PDE1A: variants seen among roughly 807,000 people sequenced by gnomAD.
PDE1A encodes phosphodiesterase 1A.
In PDE1A, 35 loss-of-function variants were observed where a neutral mutation model predicts 61.7. The observed-to-expected ratio is 0.57, with a 90% confidence interval of 0.43 to 0.75. PDE1A has a LOEUF of 0.75. Ranked by LOEUF, PDE1A falls within the 30% of genes least tolerant of loss-of-function variation. The probability of loss-of-function intolerance (pLI) is 0.00; values close to 1 mark genes in which losing one functional copy is unlikely to be tolerated. For missense variants in PDE1A, 597 were observed against 630.6 expected, an observed-to-expected ratio of 0.95 and a Z score of 0.57; for synonymous variants, 232 against 213.2, an observed-to-expected ratio of 1.09 and a Z score of -0.77.
intron 2 of PDE1A, among the ~76,000 whole-genome samples, chr2:182,433,079 G>T (rs1210352714): frequency 3.3e-5 from 5 of 151,894 alleles, no homozygotes; most frequent in Non-Finnish European, 7.4e-5. Context: ...CTCCTACTGT[G>T]GTCATGGCAG....
At chr2:182,511,611 C>A (rs12996626) in intron 2 of PDE1A, among the ~76,000 whole-genome samples, 51,178 of 152,022 alleles carry the variant, frequency 0.34, 9,172 homozygotes, top group Middle Eastern at 0.41. Flanking sequence ...GCCAGGGATG[C>A]CCATCTCCCA....
chr2:182,243,438 A>G (rs1171091664), intron 2 of PDE1A, among the ~76,000 whole-genome samples: 1 of 152,172 alleles, frequency 6.6e-6, no homozygotes, highest in Non-Finnish European at 1.5e-5. Context: ...GGGCAAGTAC[A>G]AAGGCCCGAG....
chr2:182,178,898 G>T (rs527603026), intron 13 of PDE1A, among the ~76,000 whole-genome samples: 33 of 152,192 alleles, frequency 2.2e-4, no homozygotes, highest in African/African-American at 7.7e-4. Flanking sequence ...AAAAACCAAT[G>T]GGGGCTGTCT....
chr2:182,306,543 C>T (rs1230221024), intron 1 of PDE1A, among the ~76,000 whole-genome samples: 2 of 151,794 alleles, frequency 1.3e-5, no homozygotes, highest in Non-Finnish European at 2.9e-5. Context: ...TCTGAAGACA[C>T]CATACTACCT....
At chr2:182,357,346 CT>C (rs1227171430) in intron 1 of PDE1A, among the ~76,000 whole-genome samples, 1 of 151,890 alleles carries the variant, frequency 6.6e-6, no homozygotes, top group Non-Finnish European at 1.5e-5. Context: ...GAGAATAGGA[CT>C]GGTAGTCTGA....
chr2:182,677,127 C>T, the PDE1A span, among the ~76,000 whole-genome samples: 2 of 152,176 alleles, frequency 1.3e-5, no homozygotes, highest in African/African-American at 4.8e-5. Context: ...CAAACTATCC[C>T]TGATTGCAGA....
chr2:182,567,435 A>G, the PDE1A span, among the ~76,000 whole-genome samples: 2 of 152,238 alleles, frequency 1.3e-5, no homozygotes, highest in African/African-American at 2.4e-5. Flanking sequence ...GCTTTAAAAC[A>G]AAGAGTCAAA....
At chr2:182,622,119 T>C in the PDE1A span, among the ~76,000 whole-genome samples, 1 of 152,188 alleles carries the variant, frequency 6.6e-6, no homozygotes, top group African/African-American at 2.4e-5. Flanking sequence ...ATAAAAAGAA[T>C]GACTGGAAAG....
rs1559179385 is a variant in PDE1A at position 182,203,896 on chromosome 2, T to G, written c.902+2044A>C. Among the ~76,000 whole-genome samples, 10 of 152,096 alleles carry G rather than the reference T, an allele frequency of 6.6e-5. No individual in the cohort carries two copies. The South Asian group carries it at 2.1e-3, about 32-fold the overall frequency. On this transcript the variant is annotated intron_variant, in intron 8 of 13. Transcript: ENST00000351439. ...GTATTTTATAGATTTTTGGAAAGTG[T>G]TGAATCTATTAAATTCTAAAATGTA...
At chr2:182,297,332 C>T (rs1574283287) in intron 1 of PDE1A, among the ~76,000 whole-genome samples, 1 of 152,194 alleles carries the variant, frequency 6.6e-6, no homozygotes, top group East Asian at 1.9e-4. Flanking sequence ...CCTCCTCCCA[C>T]CCATTTGCTT....
At chr2:182,313,761 ACAT>A (rs1696147570) in intron 1 of PDE1A, among the ~76,000 whole-genome samples, 1 of 77,820 alleles carries the variant, frequency 1.3e-5, no homozygotes, top group South Asian at 3.3e-4. Context: ...ATAGGATGAA[ACAT>A]TAGTAGGTTT....
chr2:182,591,638 G>A, the PDE1A span, among the ~76,000 whole-genome samples: 1 of 152,128 alleles, frequency 6.6e-6, no homozygotes, highest in East Asian at 1.9e-4. Flanking sequence ...CAACGCCCTG[G>A]GTATCTACCC....
intron 13 of PDE1A, among the ~76,000 whole-genome samples, chr2:182,151,709 G>A (rs1225665786): frequency 1.3e-5 from 2 of 152,008 alleles, no homozygotes; most frequent in Non-Finnish European, 2.9e-5. Context: ...TCCTACCACA[G>A]AAATAAATTT....
the PDE1A span, among the ~76,000 whole-genome samples, chr2:182,668,110 G>A: frequency 6.6e-6 from 1 of 152,290 alleles, no homozygotes; most frequent in Middle Eastern, 3.4e-3. Context: ...GTCCTTCTCA[G>A]TATAGCATGG....
chr2:182,652,727 A>G, the PDE1A span, among the ~76,000 whole-genome samples: 1 of 152,230 alleles, frequency 6.6e-6, no homozygotes, highest in Admixed American at 6.5e-5. Flanking sequence ...AGTTACAGGT[A>G]GAAACTACAA....
chr2:182,586,429 C>T, the PDE1A span, among the ~76,000 whole-genome samples: 1 of 152,144 alleles, frequency 6.6e-6, no homozygotes, highest in East Asian at 1.9e-4. Flanking sequence ...GCTTCTTGTT[C>T]CTTGTCTTAA....
Position 182,201,675 on chromosome 2 carries a change from A to AAAT in PDE1A, c.1004+12_1004+13insATT. 6.4e-7 allele frequency: 1 copy of AAAT among 1,571,272 alleles called. No homozygotes were observed. Among genetic ancestry groups the AAAT allele is most frequent in the Non-Finnish European group, 8.6e-7 (1 of 1,163,948 alleles). On this transcript the variant is annotated intron_variant, in intron 9 of 13. Coordinates refer to ENST00000351439, the Ensembl canonical transcript of PDE1A. Reference sequence around the variant, plus strand: ...CAAAAAAAAAAAAACAACAAAAAAAACACAAAACCTACCCTTCAGGCTGCT... The same window carrying AAAT: ...CAAAAAAAAAAAAACAACAAAAAAAAAATCACAAAACCTACCCTTCAGGCTGCT...
chr2:182,376,639 C>A (rs1349166517), intron 1 of PDE1A, among the ~76,000 whole-genome samples: 1 of 152,206 alleles, frequency 6.6e-6, no homozygotes, highest in Non-Finnish European at 1.5e-5. Context: ...TTCAAAGTCA[C>A]TTCCACATTT....
the PDE1A span, among the ~76,000 whole-genome samples, chr2:182,644,462 A>G: frequency 6.6e-6 from 1 of 152,120 alleles, no homozygotes; most frequent in Non-Finnish European, 1.5e-5. Context: ...CTTCTAATAC[A>G]GTAAAAGGAT....
Sources: allele counts gnomAD v4.1 joint callset (sites outside exome capture counted in the v4.1 genomes callset), GRCh38; gene constraint gnomAD v4.1.1; transcripts MANE v1.5; gene names NCBI Gene and HGNC (gene_info 2026-07-23, HGNC 2026-07-21).